MBTPS1: variants seen among roughly 807,000 people sequenced by gnomAD.
The protein encoded by MBTPS1 is membrane bound transcription factor peptidase, site 1.
A neutral mutation model predicts 127.8 loss-of-function variants in MBTPS1; 94 were observed. The ratio of observed to expected loss-of-function variants is 0.74; its 90% CI spans 0.62 to 0.87. The LOEUF is 0.87. Among genes scored for constraint, MBTPS1 ranks in the 40% least tolerant of loss-of-function variants. The pLI, the probability that MBTPS1 is intolerant of heterozygous loss-of-function variation, is 0.00. For missense variants in MBTPS1, 1,636 were observed against 1,353.2 expected (o/e 1.21, Z -3.28); for synonymous variants, 632 against 509.4 (o/e 1.24, Z -3.24).
chr16:84,060,670 C>T lies in MBTPS1; in HGVS notation c.2704+12G>A. 6.2e-7 allele frequency: 1 copy of T among 1,611,242 alleles called. No individual in the cohort carries two copies. The highest frequency in any genetic ancestry group is 8.5e-7 in the Non-Finnish European group (1 of 1,177,812). ...CAATTCCCTCCCCAAGGCATCCTGC[C>T]CATCCACTCACCTTCCATCCTCTCT... On this transcript the variant is annotated intron_variant, in intron 20 of 22. Transcript: ENST00000343411.
Position 84,090,857 on chromosome 16 carries a change from C to A in MBTPS1, c.1031+18G>T, listed in dbSNP as rs780183218. The stretch of plus-strand genomic sequence containing the variant: ...GGGGGAAAAAATCCCCGAGGTCATC[C>A]CTGCTGGGGCTACTTACCCATAAAG... On this transcript the variant is annotated intron_variant, in intron 8 of 22. Transcript: ENST00000343411. 6.3e-7 allele frequency: 1 copy of A among 1,593,460 alleles called. No individual in the cohort carries two copies. The highest frequency in any genetic ancestry group is 8.6e-7 in the Non-Finnish European group (1 of 1,165,898).
intron 21 of MBTPS1, among the ~76,000 whole-genome samples, chr16:84,058,227 G>A (rs575098211): frequency 1.3e-5 from 2 of 152,250 alleles, no homozygotes; most frequent in East Asian, 1.9e-4. Context: ...CGGTCAGTGC[G>A]TGGTGTGTTC....
At position 84,070,780 on chromosome 16, in the gene MBTPS1, C is replaced by G. The variant is rs370688706; in HGVS notation, c.1594-4G>C. On this transcript the variant is annotated splice_polypyrimidine_tract_variant and splice_region_variant and intron_variant, in intron 12 of 22. Coordinates refer to ENST00000343411, the MANE Select transcript of MBTPS1 (RefSeq NM_003791.4). ...GCAAATAGGGCTGCCAGTCAGGCTG[C>G]AGGAAAAAGAAATCAGACAAAGGCT... 1.0e-5 allele frequency: 16 copies of G among 1,593,964 alleles called. No homozygotes were observed. In the African/African-American group the frequency reaches 2.2e-4, roughly 22 times the overall value.
intron 21 of MBTPS1, 28 bp downstream of exon 21, chr16:84,059,274 G>A (rs376122436): frequency 6.2e-7 from 1 of 1,600,918 alleles, no homozygotes; most frequent in Non-Finnish European, 8.5e-7. Flanking sequence ...CCCGTGGAAA[G>A]AGTGGAAGGG....
intron 11 of MBTPS1, among the ~76,000 whole-genome samples, chr16:84,077,735 G>A (rs2085881980): frequency 1.3e-5 from 2 of 152,142 alleles, no homozygotes; most frequent in Non-Finnish European, 2.9e-5. Context: ...CAGCTGAAGA[G>A]TAACAAATGT....
At chr16:84,077,485 A>G (rs944580221) in intron 11 of MBTPS1, among the ~76,000 whole-genome samples, 1 of 152,178 alleles carries the variant, frequency 6.6e-6, no homozygotes, top group Non-Finnish European at 1.5e-5. Context: ...ATCTCAAATC[A>G]CTGGGGCAAA....
chr16:84,070,015 A>G lies in MBTPS1; in HGVS notation c.1806T>C (p.Thr602=), dbSNP rs746909881. ...CCTTAATGGGGAGCTTTACTGTTGA[A>G]GTCTGTTCTGCACCATTTTTTGACT... The part of the protein sequence containing the change: ...ETESKNGAEQ[T]STVKLPIKVK... The change falls in exon 14 of 23, where the codon ACT becomes ACC. Residue 602 remains threonine, a synonymous_variant. Transcript: ENST00000343411. 6.2e-6 allele frequency: 10 copies of G among 1,611,418 alleles called. No individual in the cohort carries two copies. Among genetic ancestry groups the G allele is most frequent in the Middle Eastern group, 1.6e-4 (1 of 6,068 alleles).
At chr16:84,113,418 T>C (rs557902396) in intron 1 of MBTPS1, among the ~76,000 whole-genome samples, 1 of 152,374 alleles carries the variant, frequency 6.6e-6, no homozygotes, top group South Asian at 2.1e-4. Context: ...TTAAAAATTT[T>C]TGACATCAAG....
At position 84,056,039 on chromosome 16, in the gene MBTPS1, G is replaced by C; in HGVS notation, c.2928C>G (p.Ser976=). Residue 976 remains serine (S), a synonymous_variant, in exon 22 of 23, where the codon TCC becomes TCG. Coordinates refer to ENST00000343411, the MANE Select transcript of MBTPS1 (RefSeq NM_003791.4). The stretch of plus-strand genomic sequence containing the variant: ...TGTCCCAGGCGCCGCTCTCTCCAGG[G>C]GACAAGGGCCTCACTTGAGGGCGAT... ...RSNRPQVRPL[S]PGESGAWDIP... is the part of the protein sequence containing the mutation. The C allele has an allele frequency of 1.9e-6, 3 of 1,613,926 alleles. No homozygotes were observed.
intron 1 of MBTPS1, among the ~76,000 whole-genome samples, chr16:84,111,714 G>A (rs1249896588): frequency 1.3e-5 from 2 of 152,144 alleles, no homozygotes; most frequent in African/African-American, 2.4e-5. Flanking sequence ...TGAGCTCAGT[G>A]AGGCGGATTC....
chr16:84,101,629 A>T lies in MBTPS1; in HGVS notation c.155T>A (p.Val52Glu), dbSNP rs750328198. ...TAAGACAACATCATTACCATATTCC[A>T]CAACTGTTGATGAGAATTCCACCTT... The part of the protein sequence containing the change: ...TLKVEFSSTV[V>E]EYEYIVAFNG... Residue 52 changes from valine to glutamate, a missense_variant, in exon 2 of 23, where the codon GTG (valine) becomes GAG (glutamate). Transcript: ENST00000343411. 19 of 1,613,258 alleles carry T rather than the reference A, an allele frequency of 1.2e-5. No homozygotes were observed. Among genetic ancestry groups the T allele is most frequent in the Non-Finnish European group, 1.4e-5 (16 of 1,179,544 alleles).
rs571444151 is a variant in MBTPS1 at position 84,104,543 on chromosome 16, G to A, written c.-324-2436C>T. ...GCTAAAGAATCTATGACACATGTGGGCTCCATATAACACAAATATAATTAA... is the reference window on the plus strand; with the variant it reads ...GCTAAAGAATCTATGACACATGTGGACTCCATATAACACAAATATAATTAA... On this transcript the variant is annotated intron_variant, in intron 1 of 22. Coordinates refer to ENST00000343411, the MANE Select transcript of MBTPS1 (RefSeq NM_003791.4). Among the ~76,000 whole-genome samples the A allele has an allele frequency of 3.3e-5, 5 of 152,232 alleles. No homozygotes were observed. The East Asian group carries it at 7.7e-4, about 24-fold the overall frequency.
chr16:84,086,996 C>T (rs76457102), intron 9 of MBTPS1, among the ~76,000 whole-genome samples: 2,950 of 152,236 alleles, frequency 0.019, 75 homozygotes, highest in East Asian at 0.074. Flanking sequence ...AATATCATCT[C>T]ACCTACCACT....
At chr16:84,060,484 T>C (rs913389857) in intron 20 of MBTPS1, 198 bp downstream of exon 20, 12 of 562,508 alleles carry the variant, frequency 2.1e-5, no homozygotes, top group Admixed American at 1.2e-4. Context: ...TCCTCGATCA[T>C]GGCCCTCTGG....
intron 21 of MBTPS1, chr16:84,056,577 T>G (rs1264160630): frequency 6.5e-6 from 1 of 153,466 alleles, no homozygotes; most frequent in Non-Finnish European, 1.5e-5. Context: ...CCACTGCATA[T>G]AAGGAAGTGG....
Position 84,074,622 on chromosome 16 carries a change from C to T in MBTPS1, c.1568G>A (p.Gly523Glu). The T allele has an allele frequency of 6.2e-7, 1 of 1,614,068 alleles. No individual in the cohort carries two copies. The highest frequency in any genetic ancestry group is 8.5e-7 in the Non-Finnish European group (1 of 1,179,966). The change falls in exon 12 of 23, where the codon GGA (glycine) becomes GAA (glutamate). Residue 523 changes from glycine to glutamate, a missense_variant. Physicochemically the swap from Gly to Glu is moderately conservative, Grantham distance 98 (BLOSUM62 -2). Transcript: ENST00000343411. ...CTTATCTACAATTCTTCCTGTGACT[C>T]CCATGCCGTTGAGGATGGTGACATT... The part of the protein sequence containing the change: ...VVNVTILNGM[G>E]VTGRIVDKPD...
chr16:84,085,833 G>C lies in MBTPS1; in HGVS notation c.1135-699C>G, dbSNP rs576166391. On this transcript the variant is annotated intron_variant, in intron 9 of 22. Coordinates refer to ENST00000343411, the MANE Select transcript of MBTPS1 (RefSeq NM_003791.4). Reference sequence around the variant, plus strand: ...ATAAGTTAAAATTAGAAATATGTTAGAAAAATTAGAAAATTAAAATGTAAA... The same window carrying C: ...ATAAGTTAAAATTAGAAATATGTTACAAAAATTAGAAAATTAAAATGTAAA... 4.6e-5 allele frequency: 7 copies of C among 151,834 alleles called. No individual in the cohort carries two copies. The East Asian group carries it at 1.4e-3, about 29-fold the overall frequency. 9.4% of individuals were successfully genotyped at this position (151,834 alleles called of 1,614,324 possible).
intron 1 of MBTPS1, among the ~76,000 whole-genome samples, chr16:84,107,188 T>C (rs1037744382): frequency 1.3e-5 from 2 of 151,878 alleles, no homozygotes; most frequent in African/African-American, 4.8e-5. Flanking sequence ...AAAAGGAAGG[T>C]GGGCAAGCTG....
At chr16:84,099,830 T>C (rs2086229999) in intron 2 of MBTPS1, among the ~76,000 whole-genome samples, 2 of 151,608 alleles carry the variant, frequency 1.3e-5, no homozygotes, top group Non-Finnish European at 2.9e-5. Context: ...GAATACATCA[T>C]TCGAAACCAG....
Sources: allele counts gnomAD v4.1 joint callset (sites outside exome capture counted in the v4.1 genomes callset), GRCh38; gene constraint gnomAD v4.1.1; transcripts MANE v1.5; gene names NCBI Gene and HGNC (gene_info 2026-07-23, HGNC 2026-07-21).